Variants in TMBIM4 observed in about 807,000 individuals in gnomAD.
The protein encoded by TMBIM4 is protein lifeguard 4.
TMBIM4 carries 28 observed loss-of-function variants against 27.7 expected under a neutral mutation model. The observed-to-expected ratio is 1.01, with a 90% confidence interval of 0.75 to 1.38. The LOEUF is 1.38. Among genes scored for constraint, TMBIM4 ranks in the 40% most tolerant of loss-of-function variants. The pLI is 0.00. For synonymous variants in TMBIM4, 115 were observed against 113.1 expected, an observed-to-expected ratio of 1.02 and a Z score of -0.11; for missense variants, 265 against 277.5, an observed-to-expected ratio of 0.95 and a Z score of 0.32.
At chr12:66,161,942 C>T (rs556431410) in intron 1 of TMBIM4, among the ~76,000 whole-genome samples, 11 of 152,102 alleles carry the variant, frequency 7.2e-5, no homozygotes, top group South Asian at 2.1e-4. Context: ...GCCTCTTTTA[C>T]GGATAAGGAA....
At chr12:66,147,861 T>G (rs1478850462) in intron 4 of TMBIM4, 47 bp downstream of exon 4, 1 of 1,530,492 alleles carries the variant, frequency 6.5e-7, no homozygotes, top group Non-Finnish European at 8.9e-7. Context: ...AAGATCTATC[T>G]ACATTAAAAA....
chr12:66,138,858 C>T (rs2051620978), intron 5 of TMBIM4, 89 bp from the exon 6 acceptor site: 1 of 1,355,610 alleles, frequency 7.4e-7, no homozygotes, highest in East Asian at 2.8e-5. Flanking sequence ...AAAAAACATC[C>T]ATCTGGATTT....
chr12:66,155,361 G>GAGAGAGAGAGAGAGAGA (rs1353460191), intron 1 of TMBIM4, among the ~76,000 whole-genome samples: 1 of 78,024 alleles, frequency 1.3e-5, no homozygotes, highest in Non-Finnish European at 3.3e-5. Context: ...AGAGAGAGAG[G>GAGAGAGAGAGAGAGAGA]CAGGGTCTCA....
chr12:66,150,665 G>A (rs929905649), intron 3 of TMBIM4, among the ~76,000 whole-genome samples: 6 of 152,002 alleles, frequency 3.9e-5, no homozygotes, highest in African/African-American at 9.7e-5. Context: ...TGCCTGCCCC[G>A]GCCTCCCAAA....
intron 1 of TMBIM4, among the ~76,000 whole-genome samples, chr12:66,158,237 A>C (rs1004341763): frequency 4.0e-5 from 6 of 151,524 alleles, no homozygotes; most frequent in Non-Finnish European, 8.8e-5. Context: ...CAAAAAAAAA[A>C]AAAACAAAAA....
intron 2 of TMBIM4, among the ~76,000 whole-genome samples, chr12:66,152,711 G>T (rs2051867836): frequency 6.6e-6 from 1 of 151,984 alleles, no homozygotes. Context: ...TACTTTCTTA[G>T]GATATTTGCC....
intron 1 of TMBIM4, among the ~76,000 whole-genome samples, chr12:66,155,335 T>TGAGA (rs71697123): frequency 0.023 from 3,017 of 131,680 alleles, 101 homozygotes; most frequent in African/African-American, 0.072. Context: ...TGCACACGTG[T>TGAGA]GAGAGAGAGA....
At chr12:66,168,215 T>C (rs2052165989) in intron 1 of TMBIM4, among the ~76,000 whole-genome samples, 1 of 147,722 alleles carries the variant, frequency 6.8e-6, no homozygotes, top group Admixed American at 6.7e-5. Flanking sequence ...AGCGAGACCC[T>C]GTCTCAAAAA....
At chr12:66,150,606 T>G (rs980863250) in intron 3 of TMBIM4, among the ~76,000 whole-genome samples, 1 of 152,122 alleles carries the variant, frequency 6.6e-6, no homozygotes, top group South Asian at 2.1e-4. Flanking sequence ...AGAGACAAGG[T>G]CTCACTATGT....
At position 66,153,192 on chromosome 12, in the gene TMBIM4, C is replaced by T. The variant is rs1346189001; in HGVS notation, c.206+148G>A. The T allele has an allele frequency of 9.7e-6, 5 of 517,704 alleles. No homozygotes were observed. The East Asian group carries it at 1.9e-4, about 20-fold the overall frequency. 32.1% of individuals were successfully genotyped at this position (517,704 alleles called of 1,614,324 possible). A position where few individuals can be genotyped will look rare whatever the true frequency, so the allele number is the denominator to read the frequency against. ...GTGGAGTATTTTTCTTCATCAAAAA[C>T]AAAACTAATCAGGCTTATAAGAGTA... On this transcript the variant is annotated intron_variant, in intron 2 of 6. Coordinates refer to ENST00000358230, the MANE Select transcript of TMBIM4 (RefSeq NM_016056.4).
At chr12:66,168,401 G>C (rs2052170656) in intron 1 of TMBIM4, among the ~76,000 whole-genome samples, 1 of 152,048 alleles carries the variant, frequency 6.6e-6, no homozygotes, top group Admixed American at 6.6e-5. Flanking sequence ...AAGGAATGGG[G>C]AGTTAATAGG....
At chr12:66,139,760 G>A (rs773775655) in intron 5 of TMBIM4, 21 of 455,922 alleles carry the variant, frequency 4.6e-5, no homozygotes, top group Non-Finnish European at 9.3e-5. Context: ...TGCATGTTAA[G>A]GAGGTGACCA....
chr12:66,152,465 TGTTTATGAAA>T, intron 2 of TMBIM4, 89 bp from the exon 3 acceptor site: 1 of 836,458 alleles, frequency 1.2e-6, no homozygotes, highest in Non-Finnish European at 1.8e-6. Flanking sequence ...CTATTTTATA[TGTTTATGAAA>T]GTACAGGGGA....
At chr12:66,158,119 G>A (rs575909859) in intron 1 of TMBIM4, among the ~76,000 whole-genome samples, 14 of 151,392 alleles carry the variant, frequency 9.2e-5, no homozygotes, top group South Asian at 6.3e-4. Flanking sequence ...CCAGCTACTC[G>A]GGAGGCTGAG....
Position 66,169,969 on chromosome 12 carries a change from T to G in TMBIM4, c.-18A>C, listed in dbSNP as rs867870094. The G allele has an allele frequency of 5.8e-5, 86 of 1,473,256 alleles. No individual in the cohort carries two copies. In the Middle Eastern group the frequency reaches 1.9e-3, roughly 33 times the overall value. 91.3% of individuals were successfully genotyped at this position (1,473,256 alleles called of 1,614,324 possible). On this transcript the variant is annotated 5_prime_UTR_variant, in exon 1 of 7. Coordinates refer to ENST00000358230, the MANE Select transcript of TMBIM4 (RefSeq NM_016056.4). ...TCAGCCATGATGGCAACAGCACCCC[T>G]ACCGGTCCCGGTCCACTAACCGCAA...
At position 66,137,788 on chromosome 12, in the gene TMBIM4, A is replaced by T. The variant is rs2051600262; in HGVS notation, c.*172T>A. On this transcript the variant is annotated 3_prime_UTR_variant, in exon 7 of 7. Transcript: ENST00000358230. ...GTATCATAAAGAATAGTAAGATTTT[A>T]AAGCTCTCAAAATTACATATGATAC... 6.8e-6 allele frequency: 4 copies of T among 588,466 alleles called. No homozygotes were observed. The highest frequency in any genetic ancestry group is 9.0e-4 in the Middle Eastern group (2 of 2,228). 36.5% of individuals were successfully genotyped at this position (588,466 alleles called of 1,614,324 possible).
intron 1 of TMBIM4, among the ~76,000 whole-genome samples, chr12:66,155,622 G>A (rs746478772): frequency 4.6e-5 from 7 of 152,034 alleles, no homozygotes; most frequent in African/African-American, 7.2e-5. Flanking sequence ...AGGAGCCACC[G>A]TGACTGGCCC....
intron 4 of TMBIM4, among the ~76,000 whole-genome samples, chr12:66,147,062 CATT>C (rs2051763633): frequency 6.6e-6 from 1 of 151,980 alleles, no homozygotes; most frequent in African/African-American, 2.4e-5. Context: ...TAGTAAGTAA[CATT>C]AATAATAAGT....
intron 1 of TMBIM4, among the ~76,000 whole-genome samples, chr12:66,162,062 A>G (rs2052049427): frequency 7.1e-6 from 1 of 141,822 alleles, no homozygotes; most frequent in Non-Finnish European, 1.5e-5. Flanking sequence ...ACACTGTACT[A>G]TTCCCCAACA....
Sources: allele counts gnomAD v4.1 joint callset (sites outside exome capture counted in the v4.1 genomes callset), GRCh38; gene constraint gnomAD v4.1.1; transcripts MANE v1.5; gene names NCBI Gene and HGNC (gene_info 2026-07-23, HGNC 2026-07-21).